Variants in TMEM38A observed in about 807,000 individuals in gnomAD.
The protein encoded by TMEM38A is transmembrane protein 38A.
In TMEM38A, 17 loss-of-function variants were observed where a neutral mutation model predicts 28.6. The ratio of observed to expected loss-of-function variants is 0.60; its 90% confidence interval spans 0.41 to 0.89. The LOEUF (loss-of-function observed/expected upper bound fraction) is 0.89. Among genes scored for constraint, TMEM38A ranks in the 40% least tolerant of loss-of-function variants. The pLI, the probability that TMEM38A is intolerant of heterozygous loss-of-function variation, is 0.00. For missense variants in TMEM38A, 328 were observed against 393.1 expected, an observed-to-expected ratio of 0.83 and a Z score of 1.40; for synonymous variants, 169 against 166.1, an observed-to-expected ratio of 1.02 and a Z score of -0.14.
chr19:16,685,232 C>A (rs551450651), intron 4 of TMEM38A, among the ~76,000 whole-genome samples: 2 of 151,810 alleles, frequency 1.3e-5, no homozygotes, highest in South Asian at 4.2e-4. Flanking sequence ...AGTAAAAATA[C>A]AAAAATCAGC....
intron 1 of TMEM38A, among the ~76,000 whole-genome samples, chr19:16,675,787 T>C (rs1418884918): frequency 6.6e-6 from 1 of 151,908 alleles, no homozygotes; most frequent in Non-Finnish European, 1.5e-5. Flanking sequence ...GACCTTGTCA[T>C]CTGCCCGCCT....
At chr19:16,681,530 G>A (rs147475862) in intron 3 of TMEM38A, among the ~76,000 whole-genome samples, 1 of 152,132 alleles carries the variant, frequency 6.6e-6, no homozygotes, top group East Asian at 1.9e-4. Context: ...GGGAAAGAAG[G>A]CCTGAGCAAG....
intron 1 of TMEM38A, among the ~76,000 whole-genome samples, chr19:16,674,389 CAAAAAAAA>C (rs535347473): frequency 2.3e-5 from 2 of 87,200 alleles, no homozygotes; most frequent in Admixed American, 2.4e-4. Flanking sequence ...CTCTTGTCTC[CAAAAAAAA>C]AAAAAAAAAA....
Position 16,688,284 on chromosome 19 carries a change from A to C in TMEM38A, c.813A>C (p.Pro271=), listed in dbSNP as rs760343446. The C allele has an allele frequency of 1.2e-6, 2 of 1,609,116 alleles. No individual in the cohort carries two copies. The highest frequency in any genetic ancestry group is 1.7e-6 in the Non-Finnish European group (2 of 1,177,664). ...GTGGGTCCCACAGCGGTGGTGGGCC[A>C]GGAGCTCAGCATTCGGCCATGCCCG... The part of the protein sequence containing the change: ...NHGGSHSGGG[P]GAQHSAMPAK... Residue 271 remains proline, a synonymous_variant, in exon 6 of 6, where the codon CCA becomes CCC. Transcript: ENST00000187762.
chr19:16,687,390 G>A (rs1201608406), intron 5 of TMEM38A, among the ~76,000 whole-genome samples: 4 of 151,590 alleles, frequency 2.6e-5, no homozygotes, highest in East Asian at 1.9e-4. Context: ...GCGTGGTGGC[G>A]CATGCCTGTA....
At chr19:16,684,416 G>C (rs536844525) in intron 4 of TMEM38A, among the ~76,000 whole-genome samples, 1 of 152,070 alleles carries the variant, frequency 6.6e-6, no homozygotes, top group African/African-American at 2.4e-5. Context: ...GAAGGTTGAA[G>C]CTGGAGTGAG....
rs1280566763 is a variant in TMEM38A, at chr19:16,683,899, G to A, written c.554+1391G>A. Reference sequence around the variant, plus strand: ...GCAGGAGAACCACTTGAATCTGGGAGGCGGAGGTTGCAGTGAGCCGAGATC... The same window carrying A: ...GCAGGAGAACCACTTGAATCTGGGAAGCGGAGGTTGCAGTGAGCCGAGATC... On this transcript the variant is annotated intron_variant, in intron 4 of 5. Coordinates refer to ENST00000187762, the MANE Select transcript of TMEM38A (RefSeq NM_024074.4). 3.3e-5 allele frequency among the ~76,000 whole-genome samples: 5 copies of A among 152,222 alleles called. No homozygotes were observed. The East Asian group carries it at 9.7e-4, about 29-fold the overall frequency.
chr19:16,663,110 G>A (rs147591462), intron 1 of TMEM38A, among the ~76,000 whole-genome samples: 135 of 151,880 alleles, frequency 8.9e-4, no homozygotes, highest in African/African-American at 3.1e-3. Flanking sequence ...GAGAAACCCC[G>A]TCTCTACTGA....
At chr19:16,672,466 T>TTTTTTTTTTTTTA (rs3067283) in intron 1 of TMEM38A, among the ~76,000 whole-genome samples, 1 of 149,658 alleles carries the variant, frequency 6.7e-6, no homozygotes, top group African/African-American at 2.5e-5. Flanking sequence ...TTTTTTTTTT[T>TTTTTTTTTTTTTA]GAGGCAGAGT....
At chr19:16,678,627 G>A (rs1348299532) in intron 1 of TMEM38A, among the ~76,000 whole-genome samples, 4 of 151,352 alleles carry the variant, frequency 2.6e-5, no homozygotes. Flanking sequence ...GCCTGGCATG[G>A]TGGCGCGCGT....
rs1283194693 is a variant in TMEM38A at position 16,661,266 on chromosome 19, T to C, written c.49T>C (p.Ser17Pro). 2 of 1,597,532 alleles carry C rather than the reference T, an allele frequency of 1.3e-6. No individual in the cohort carries two copies. The highest frequency in any genetic ancestry group is 1.7e-6 in the Non-Finnish European group (2 of 1,172,860). Residue 17 changes from serine (S) to proline (P), a missense_variant, in exon 1 of 6, where the codon TCG (serine) becomes CCG (proline). Ser to Pro is a moderately conservative substitution (Grantham distance 74). Transcript: ENST00000187762. This position sits in a 1 kb window ranked among gnomAD's most constrained non-coding sequence, Gnocchi z 6.5. ...LSLGELALSF[S>P]RVPLFPVFDL... ...CCTGGGCGAACTGGCGCTCAGCTTC[T>C]CGCGGGTGCCGCTCTTCCCCGTCTT...
intron 1 of TMEM38A, among the ~76,000 whole-genome samples, chr19:16,677,537 G>C (rs1599389364): frequency 1.3e-5 from 2 of 150,982 alleles, no homozygotes; most frequent in African/African-American, 4.9e-5. Flanking sequence ...GGGTCTCACT[G>C]TGTTGCCCAG....
intron 1 of TMEM38A, among the ~76,000 whole-genome samples, chr19:16,678,691 G>C (rs1434443859): frequency 6.8e-6 from 1 of 146,580 alleles, no homozygotes; most frequent in Non-Finnish European, 1.5e-5. Context: ...TTTGAGCCCA[G>C]GAAGTCAAGG....
At chr19:16,673,991 T>C (rs2086738692) in intron 1 of TMEM38A, among the ~76,000 whole-genome samples, 1 of 151,532 alleles carries the variant, frequency 6.6e-6, no homozygotes, top group African/African-American at 2.4e-5. Flanking sequence ...TACTCCTAGC[T>C]ACTTGGAAGG....
rs1191345339 is a variant in TMEM38A at position 16,682,158 on chromosome 19, G to A, written c.467-263G>A. ...AGGGGCATCAGGACAGACAACCCCA[G>A]GTTGAAGACCTGCCTTGCAGGTGGG... On this transcript the variant is annotated intron_variant, in intron 3 of 5. Coordinates refer to ENST00000187762, the MANE Select transcript of TMEM38A (RefSeq NM_024074.4). Among the ~76,000 whole-genome samples the A allele has an allele frequency of 2.0e-5, 3 of 152,088 alleles. No homozygotes were observed. In the East Asian group the frequency reaches 5.8e-4, roughly 29 times the overall value.
At chr19:16,687,236 G>T (rs943427273) in intron 5 of TMEM38A, among the ~76,000 whole-genome samples, 2 of 152,194 alleles carry the variant, frequency 1.3e-5, no homozygotes, top group African/African-American at 4.8e-5. Flanking sequence ...GGAGGCTGAG[G>T]CAGGAGAATC....
At chr19:16,684,195 TG>T (rs1482214631) in intron 4 of TMEM38A, among the ~76,000 whole-genome samples, 2 of 151,712 alleles carry the variant, frequency 1.3e-5, no homozygotes, top group Non-Finnish European at 2.9e-5. Flanking sequence ...GCAGTGAAGC[TG>T]GGCATGGTGG....
At chr19:16,682,324 G>C (rs2086785118) in intron 3 of TMEM38A, 97 bp from the exon 4 acceptor site, 1 of 955,432 alleles carries the variant, frequency 1.0e-6, no homozygotes, top group East Asian at 2.4e-5. Context: ...TTCTAGAGAA[G>C]ATTCTGGGAG....
intron 1 of TMEM38A, among the ~76,000 whole-genome samples, chr19:16,663,738 G>T (rs893263051): frequency 6.7e-6 from 1 of 150,254 alleles, no homozygotes; most frequent in Non-Finnish European, 1.5e-5. Context: ...GGGTTTCACC[G>T]TATTAGCCAG....
Sources: allele counts gnomAD v4.1 joint callset (sites outside exome capture counted in the v4.1 genomes callset), GRCh38; gene constraint gnomAD v4.1.1; non-coding constraint Gnocchi (gnomAD v3.1); transcripts MANE v1.5; gene names NCBI Gene and HGNC (gene_info 2026-07-23, HGNC 2026-07-21).